The following CMIP variants were observed in gnomAD, a reference collection of about 807,000 sequenced individuals.
The protein encoded by CMIP is c-Maf inducing protein.
In CMIP, 13 loss-of-function variants were observed where a neutral mutation model predicts 97.3. The observed-to-expected ratio is 0.13, with a 90% CI of 0.09 to 0.21. CMIP has a LOEUF of 0.21. Among genes scored for constraint, CMIP ranks in the 10% least tolerant of loss-of-function variants. The pLI, the probability that CMIP is intolerant of heterozygous loss-of-function variation, is 1.00. For synonymous variants in CMIP, 538 were observed against 436.3 expected, an observed-to-expected ratio of 1.23 and a Z score of -2.91; for missense variants, 847 against 1,024.9, an observed-to-expected ratio of 0.83 and a Z score of 2.37.
chr16:81,696,977 T>C (rs11642090), intron 14 of CMIP: 143,391 of 421,998 alleles, frequency 0.34, 25,739 homozygotes, highest in Non-Finnish European at 0.38. Flanking sequence ...CCTGGGCCGT[T>C]ACTGCCTAAG....
At chr16:81,586,233 C>T (rs1386623325) in intron 1 of CMIP, among the ~76,000 whole-genome samples, 2 of 152,038 alleles carry the variant, frequency 1.3e-5, no homozygotes, top group African/African-American at 2.4e-5. Flanking sequence ...ATTTTGGGCC[C>T]TATTGATGGG....
At chr16:81,482,277 G>T (rs2089238063) in intron 1 of CMIP, among the ~76,000 whole-genome samples, 1 of 152,160 alleles carries the variant, frequency 6.6e-6, no homozygotes. Flanking sequence ...AACTCTAAGG[G>T]TCCCTTTGCC....
chr16:81,495,340 C>A (rs985773758), intron 1 of CMIP: 3 of 1,468,282 alleles, frequency 2.0e-6, no homozygotes, highest in African/African-American at 2.8e-5. Context: ...AGGAGCCAGG[C>A]GACCCACAGG....
At chr16:81,703,416 T>A (rs376470600) in intron 17 of CMIP, among the ~76,000 whole-genome samples, 1 of 152,012 alleles carries the variant, frequency 6.6e-6, no homozygotes, top group Non-Finnish European at 1.5e-5. Flanking sequence ...GCCTCAGTGT[T>A]GGCATGAGCT....
intron 1 of CMIP, among the ~76,000 whole-genome samples, chr16:81,588,866 A>G (rs1012504309): frequency 7.9e-5 from 12 of 151,968 alleles, no homozygotes; most frequent in African/African-American, 2.9e-4. Flanking sequence ...CCTGGCCTCT[A>G]TCACTCCCAT....
chr16:81,459,118 G>A (rs928773213), intron 1 of CMIP, among the ~76,000 whole-genome samples: 1 of 152,082 alleles, frequency 6.6e-6, no homozygotes, highest in Non-Finnish European at 1.5e-5. Flanking sequence ...CTCTTGTGTT[G>A]GGTTTGCCAC....
intron 1 of CMIP, among the ~76,000 whole-genome samples, chr16:81,604,753 TA>T (rs1393980098): frequency 6.6e-6 from 1 of 152,130 alleles, no homozygotes; most frequent in Non-Finnish European, 1.5e-5. Context: ...AACCTTTCCC[TA>T]AAAAGCCTTG....
At chr16:81,623,205 C>T (rs1227118177) in intron 3 of CMIP, among the ~76,000 whole-genome samples, 2 of 152,046 alleles carry the variant, frequency 1.3e-5, no homozygotes, top group South Asian at 2.1e-4. Flanking sequence ...CCCCCATGCC[C>T]CACCCCAAAA....
chr16:81,691,688 C>T, intron 10 of CMIP, 87 bp from the exon 11 acceptor site: 1 of 1,031,862 alleles, frequency 9.7e-7, no homozygotes, highest in Non-Finnish European at 1.5e-6. Flanking sequence ...GCTCTCACCC[C>T]ATCTTTTGGC....
At chr16:81,487,610 G>A (rs2089338745) in intron 1 of CMIP, among the ~76,000 whole-genome samples, 1 of 152,222 alleles carries the variant, frequency 6.6e-6, no homozygotes, top group Non-Finnish European at 1.5e-5. Flanking sequence ...GTCAGAGAGC[G>A]GCTGAGTTCA....
rs1208873776 is a variant in CMIP at position 81,465,399 on chromosome 16, C to T, written c.300+19858C>T. The stretch of plus-strand genomic sequence containing the variant: ...CTGGACTTTCACTACCACCAGGTTG[C>T]GTCCTTGATAGGGGCAGGATGCACC... On this transcript the variant is annotated intron_variant, in intron 1 of 20. Coordinates refer to ENST00000537098, the MANE Select transcript of CMIP (RefSeq NM_198390.3). Among the ~76,000 whole-genome samples, 5 of 152,176 alleles carry T rather than the reference C, an allele frequency of 3.3e-5. No individual in the cohort carries two copies. The South Asian group carries it at 1.0e-3, about 32-fold the overall frequency.
intron 1 of CMIP, among the ~76,000 whole-genome samples, chr16:81,483,542 C>G (rs1038025734): frequency 6.6e-6 from 1 of 152,040 alleles, no homozygotes; most frequent in Non-Finnish European, 1.5e-5. Flanking sequence ...TGCCTCCTGG[C>G]TTGCCTCTCT....
At chr16:81,589,796 C>T (rs182278190) in intron 1 of CMIP, among the ~76,000 whole-genome samples, 42 of 152,364 alleles carry the variant, frequency 2.8e-4, no homozygotes, top group Non-Finnish European at 4.7e-4. Context: ...GTCCCTTCCT[C>T]CCTCTCTCAA....
intron 1 of CMIP, among the ~76,000 whole-genome samples, chr16:81,448,378 A>G (rs1905996705): frequency 6.6e-6 from 1 of 152,230 alleles, no homozygotes; most frequent in Non-Finnish European, 1.5e-5. Flanking sequence ...AATCTGAGAG[A>G]TTTAAGACCG....
intron 1 of CMIP, among the ~76,000 whole-genome samples, chr16:81,530,480 T>G (rs2090211694): frequency 6.6e-6 from 1 of 151,968 alleles, no homozygotes; most frequent in Admixed American, 6.6e-5. Flanking sequence ...ACGTGTCTTT[T>G]GTGGGATCGG....
At chr16:81,596,920 T>C (rs1273961672) in intron 1 of CMIP, among the ~76,000 whole-genome samples, 1 of 152,256 alleles carries the variant, frequency 6.6e-6, no homozygotes, top group South Asian at 2.1e-4. Flanking sequence ...GATGACATGC[T>C]TCTGTCCAGT....
chr16:81,512,688 A>G (rs1446672215), intron 1 of CMIP, among the ~76,000 whole-genome samples: 1 of 151,996 alleles, frequency 6.6e-6, no homozygotes, highest in Admixed American at 6.6e-5. Context: ...ATATTTGATG[A>G]ATTTCTTTTT....
At chr16:81,619,657 G>C (rs752698254) in intron 2 of CMIP, 2 of 152,244 alleles carry the variant, frequency 1.3e-5, no homozygotes, top group African/African-American at 2.4e-5. Flanking sequence ...GTAGCCAATG[G>C]GGAACTCAGA....
rs755801642 is a variant in CMIP, at chr16:81,670,260, C to T, written c.929+15C>T. On this transcript the variant is annotated intron_variant, in intron 8 of 20. Transcript: ENST00000537098. ...TTCATTCAGAGGTGGGTCTCCGGCG[C>T]GACGTCCCTCTGTGGCCTAGGAGCC... 15 of 1,596,592 alleles carry T rather than the reference C, an allele frequency of 9.4e-6. No homozygotes were observed. The highest frequency in any genetic ancestry group is 2.7e-5 in the African/African-American group (2 of 74,574).
Sources: gnomAD v4.1 joint callset for allele counts (sites outside exome capture counted in the v4.1 genomes callset) on GRCh38, gnomAD v4.1.1 for gene constraint, MANE v1.5 for transcripts, NCBI Gene and HGNC (gene_info 2026-07-23, HGNC 2026-07-21) for gene names.